The following MDC1 variants were observed in gnomAD, a reference collection of about 807,000 sequenced individuals.
The protein encoded by MDC1 is mediator of DNA damage checkpoint 1, also known as mediator of DNA damage checkpoint protein 1.
MDC1 carries 81 observed loss-of-function variants against 142.5 expected under a neutral mutation model. The ratio of observed to expected loss-of-function variants is 0.57; its 90% CI spans 0.47 to 0.68. The LOEUF (loss-of-function observed/expected upper bound fraction) is 0.68. Ranked by LOEUF, MDC1 falls within the 30% of genes least tolerant of loss-of-function variation. The pLI, the probability that MDC1 is intolerant of heterozygous loss-of-function variation, is 0.00. For synonymous variants in MDC1, 797 were observed against 968.4 expected (o/e 0.82, Z 3.29); for missense variants, 2,119 against 2,547.9 (o/e 0.83, Z 3.62).
intron 12 of MDC1, 72 bp from the exon 13 acceptor site, chr6:30,702,949 G>C: frequency 6.2e-7 from 1 of 1,605,428 alleles, no homozygotes; most frequent in Non-Finnish European, 8.5e-7. Flanking sequence ...AGCATTTAGA[G>C]AGAGCTCACA....
Position 30,713,221 on chromosome 6 carries a change from C to G in MDC1, c.721G>C (p.Ala241Pro). ...EEASSAARRG[A>P]TVEAKQSEAE... ...TCAGACTGCTTTGCCTCTACAGTGG[C>G]ACCTCTTCTGGCAGCTGAGGAGGCC... is the stretch of plus-strand genomic sequence containing the variant. The change falls in exon 5 of 15, where the codon GCC (alanine) becomes CCC (proline). Residue 241 changes from alanine (A) to proline (P), a missense_variant. Physicochemically the swap from Ala to Pro is conservative, Grantham distance 27. Coordinates refer to ENST00000376406, the MANE Select transcript of MDC1 (RefSeq NM_014641.3). The surrounding 1 kb of genome is among the most constrained non-coding windows in gnomAD (Gnocchi z 4.9). 1 of 1,613,134 alleles carries G rather than the reference C, an allele frequency of 6.2e-7. No homozygotes were observed. The highest frequency in any genetic ancestry group is 1.7e-5 in the Admixed American group (1 of 60,028).
rs777241626 is a variant in MDC1 at position 30,712,037 on chromosome 6, C to T, written c.1905G>A (p.Glu635=). 1.9e-5 allele frequency: 30 copies of T among 1,596,096 alleles called. No individual in the cohort carries two copies. The highest frequency in any genetic ancestry group is 2.5e-5 in the Non-Finnish European group (29 of 1,171,120). Reference sequence around the variant, plus strand: ...TCTCTCTTGAGATAGGGAGGTCCTGCTCCACTTGTGCCACAGGTGGCCCAC... The same window carrying T: ...TCTCTCTTGAGATAGGGAGGTCCTGTTCCACTTGTGCCACAGGTGGCCCAC... ...AQGGPPVAQV[E]QDLPISRENL... The change falls in exon 5 of 15, where the codon GAG becomes GAA. Residue 635 remains glutamate, a synonymous_variant. Transcript: ENST00000376406. The surrounding 1 kb of genome is among the most constrained non-coding windows in gnomAD (Gnocchi z 4.7).
rs976675547 is a variant in MDC1, at chr6:30,701,410, T to A, written c.6103-778A>T. On this transcript the variant is annotated intron_variant, in intron 14 of 14. Transcript: ENST00000376406. ...GTGAGACTCTCTCAAAAAAAAAAAATACTTTTGCTAGAAAGATGAACCTGA... is the reference window on the plus strand; with the variant it reads ...GTGAGACTCTCTCAAAAAAAAAAAAAACTTTTGCTAGAAAGATGAACCTGA... Among the ~76,000 whole-genome samples, 15 of 149,362 alleles carry A rather than the reference T, an allele frequency of 1.0e-4. 1 individual carries two copies. The highest frequency in any genetic ancestry group is 2.0e-4 in the East Asian group (1 of 5,124).
At chr6:30,710,568 T>C (rs1313629470) in intron 7 of MDC1, among the ~76,000 whole-genome samples, 1 of 152,098 alleles carries the variant, frequency 6.6e-6, no homozygotes, top group Non-Finnish European at 1.5e-5. Flanking sequence ...CGGCTAATTT[T>C]GTATTTTTAG....
At chr6:30,708,461 G>T (rs1478080099) in intron 7 of MDC1, 104 bp from the exon 8 acceptor site, 2 of 842,576 alleles carry the variant, frequency 2.4e-6, no homozygotes, top group Non-Finnish European at 3.7e-6. Context: ...TGATGAGAAA[G>T]GATTTAGATA....
In MDC1 at chr6:30,700,419, A is replaced by T. The variant is rs774742623; in HGVS notation, c.*46T>A. The T allele has an allele frequency of 6.3e-7, 1 of 1,576,866 alleles. No individual in the cohort carries two copies. Among genetic ancestry groups the T allele is most frequent in the South Asian group, 1.1e-5 (1 of 88,794 alleles). ...TAACGCCCTGAGTTCTTTCTTCCACATATCTTCTAATTCGTGGTCTGGGAG... is the reference window on the plus strand; with the variant it reads ...TAACGCCCTGAGTTCTTTCTTCCACTTATCTTCTAATTCGTGGTCTGGGAG... On this transcript the variant is annotated 3_prime_UTR_variant, in exon 15 of 15. Transcript: ENST00000376406.
At position 30,703,155 on chromosome 6, in the gene MDC1, C is replaced by T. The variant is rs749167035; in HGVS notation, c.5814G>A (p.Leu1938=). The change falls in exon 12 of 15, where the codon CTG becomes CTA. Residue 1938 remains leucine (L), a synonymous_variant. Transcript: ENST00000376406. The surrounding 1 kb of genome is among the most constrained non-coding windows in gnomAD (Gnocchi z 4.4). ...TGGGGATTCCCCGCCCCAGGGCACA[C>T]AGGAACTTGACTGTCCGGCGGATGC... is the stretch of plus-strand genomic sequence containing the variant. The part of the protein sequence containing the change: ...TDRIRRTVKF[L]CALGRGIPIL... 1.9e-6 allele frequency: 3 copies of T among 1,613,140 alleles called. No homozygotes were observed. The highest frequency in any genetic ancestry group is 1.7e-5 in the Admixed American group (1 of 60,024).
Position 30,713,752 on chromosome 6 carries a change from T to C in MDC1, c.518-35A>G. On this transcript the variant is annotated intron_variant, in intron 3 of 14. Transcript: ENST00000376406. The surrounding 1 kb of genome is among the most constrained non-coding windows in gnomAD (Gnocchi z 4.9). ...ACAGAAAGGAATGAGTTGACAATTG[T>C]ACACTCATTATTCCTGTCTCCTCAT... 6.2e-7 allele frequency: 1 copy of C among 1,614,032 alleles called. No individual in the cohort carries two copies. Among genetic ancestry groups the C allele is most frequent in the Non-Finnish European group, 8.5e-7 (1 of 1,179,906 alleles).
At position 30,713,173 on chromosome 6, in the gene MDC1, G is replaced by T; in HGVS notation, c.769C>A (p.Gln257Lys). The T allele has an allele frequency of 6.2e-7, 1 of 1,612,964 alleles. No individual in the cohort carries two copies. The highest frequency in any genetic ancestry group is 8.5e-7 in the Non-Finnish European group (1 of 1,179,940). Reference protein sequence around the residue: ...QSEAEVVTEIQLEKDQPLVKE... With the variant: ...QSEAEVVTEIKLEKDQPLVKE... ...ACTAAAGGCTGATCCTTTTCAAGCT[G>T]GATTTCAGTTACAACTTCAGCTTCA... The change falls in exon 5 of 15, where the codon CAG (glutamine) becomes AAG (lysine). Residue 257 changes from glutamine (Q) to lysine (K), a missense_variant. Gln to Lys is a moderately conservative substitution (Grantham distance 53). Coordinates refer to ENST00000376406, the MANE Select transcript of MDC1 (RefSeq NM_014641.3). The surrounding 1 kb of genome is among the most constrained non-coding windows in gnomAD (Gnocchi z 4.9).
At chr6:30,706,226 G>A in intron 9 of MDC1, 128 bp from the exon 10 acceptor site, 2 of 803,594 alleles carry the variant, frequency 2.5e-6, no homozygotes, top group South Asian at 2.1e-5. Flanking sequence ...GTGGCTCACG[G>A]CTATAATCCC....
chr6:30,702,983 G>C lies in MDC1; in HGVS notation c.5866-106C>G, dbSNP rs994463741. Reference sequence around the variant, plus strand: ...CAAAATGTCTTTTAAATCAATGCAGGCTTCTGGCTCACCAATGCCCCTGTC... The same window carrying C: ...CAAAATGTCTTTTAAATCAATGCAGCCTTCTGGCTCACCAATGCCCCTGTC... On this transcript the variant is annotated intron_variant, in intron 12 of 14. Transcript: ENST00000376406. 1.9e-6 allele frequency: 3 copies of C among 1,584,906 alleles called. No homozygotes were observed. The East Asian group carries it at 6.7e-5, about 36-fold the overall frequency.
In MDC1 at chr6:30,715,851, A is replaced by C. The variant is rs1179843483; in HGVS notation, c.-3-673T>G. Among the ~76,000 whole-genome samples, 7 of 152,228 alleles carry C rather than the reference A, an allele frequency of 4.6e-5. No homozygotes were observed. Among genetic ancestry groups the C allele is most frequent in the African/African-American group, 1.2e-4 (5 of 41,458 alleles). Reference sequence around the variant, plus strand: ...GTATTACTATCTTCCATTTCTTCAGATAAAGAAACTGCAACATAGCTGGGT... The same window carrying C: ...GTATTACTATCTTCCATTTCTTCAGCTAAAGAAACTGCAACATAGCTGGGT... On this transcript the variant is annotated intron_variant, in intron 1 of 14. Coordinates refer to ENST00000376406, the MANE Select transcript of MDC1 (RefSeq NM_014641.3). This position sits in a 1 kb window ranked among gnomAD's most constrained non-coding sequence, Gnocchi z 4.1.
Position 30,711,445 on chromosome 6 carries a change from G to A in MDC1, c.2188C>T (p.Leu730Phe). Residue 730 changes from leucine (L) to phenylalanine (F), a missense_variant, in exon 7 of 15, where the codon CTT becomes TTT. Leu to Phe is a conservative substitution (Grantham distance 22). Coordinates refer to ENST00000376406, the MANE Select transcript of MDC1 (RefSeq NM_014641.3). The stretch of plus-strand genomic sequence containing the variant: ...TGGAAGCTGCAATGGGAAGGGCCAA[G>A]CTCTTGGGGTGGAGTCAACATGAAG... The part of the protein sequence containing the change: ...QAFMLTPPQE[L>F]GPSHCSFQTT... 6.2e-7 allele frequency: 1 copy of A among 1,613,146 alleles called. No individual in the cohort carries two copies.
intron 9 of MDC1, 130 bp downstream of exon 9, chr6:30,707,254 A>G: frequency 2.1e-6 from 2 of 956,036 alleles, no homozygotes; most frequent in Non-Finnish European, 3.2e-6. Flanking sequence ...GAAGCCAATC[A>G]AGGCGTGACA....
intron 14 of MDC1, 139 bp downstream of exon 14, chr6:30,702,414 A>G: frequency 1.6e-6 from 1 of 611,016 alleles, no homozygotes; most frequent in Non-Finnish European, 2.8e-6. Context: ...TTTCTATACC[A>G]TAGGTCTTTT....
chr6:30,708,712 T>C (rs2127697861), intron 7 of MDC1, among the ~76,000 whole-genome samples: 1 of 151,428 alleles, frequency 6.6e-6, no homozygotes. Context: ...AAAAATTAGG[T>C]GTGGGGACGG....
chr6:30,707,868 T>G lies in MDC1; in HGVS notation c.2711A>C (p.Gln904Pro). 2 of 1,613,120 alleles carry G rather than the reference T, an allele frequency of 1.2e-6. No individual in the cohort carries two copies. The highest frequency in any genetic ancestry group is 1.7e-6 in the Non-Finnish European group (2 of 1,180,038). ...IETSEEIQEK[Q>P]VQKQTLPSKA... ...GCTTGGAAGGGTCTGCTTCTGTACT[T>G]GTTTCTCTTGTATTTCCTCAGATGT... The change falls in exon 8 of 15, where the codon CAA becomes CCA. Residue 904 changes from glutamine (Q) to proline (P), a missense_variant. Physicochemically the swap from Gln to Pro is moderately conservative, Grantham distance 76. Coordinates refer to ENST00000376406, the MANE Select transcript of MDC1 (RefSeq NM_014641.3).
Position 30,714,940 on chromosome 6 carries a change from A to G in MDC1, c.136+100T>C, listed in dbSNP as rs557646435. The G allele has an allele frequency of 4.9e-5, 68 of 1,391,114 alleles. 2 individuals are homozygous for G. In the South Asian group the frequency reaches 8.8e-4, roughly 18 times the overall value. 86.2% of individuals were successfully genotyped at this position (1,391,114 alleles called of 1,614,324 possible). ...CCATTCATGAAAAAAAAAAATTCAC[A>G]TCTCATTGAAACATACATAAGCTTC... On this transcript the variant is annotated intron_variant, in intron 2 of 14. Coordinates refer to ENST00000376406, the MANE Select transcript of MDC1 (RefSeq NM_014641.3).
Position 30,703,194 on chromosome 6 carries a change from G to A in MDC1, c.5775C>T (p.His1925=), listed in dbSNP as rs1773073430. 3 of 1,613,098 alleles carry A rather than the reference G, an allele frequency of 1.9e-6. No homozygotes were observed. The highest frequency in any genetic ancestry group is 2.5e-6 in the Non-Finnish European group (3 of 1,180,034). The change falls in exon 12 of 15, where the codon CAC becomes CAT. Residue 1925 remains histidine, a synonymous_variant. Coordinates refer to ENST00000376406, the MANE Select transcript of MDC1 (RefSeq NM_014641.3). This position sits in a 1 kb window ranked among gnomAD's most constrained non-coding sequence, Gnocchi z 4.4. ...SLAGSAAEAS[H]LVTDRIRRTV... ...TCCGGCGGATGCGATCAGTGACCAGGTGGGAAGCCTCTGCCGCTGAACCAG... is the reference window on the plus strand; with the variant it reads ...TCCGGCGGATGCGATCAGTGACCAGATGGGAAGCCTCTGCCGCTGAACCAG...
Sources: gnomAD v4.1 joint callset for allele counts (sites outside exome capture counted in the v4.1 genomes callset) on GRCh38, gnomAD v4.1.1 for gene constraint, Gnocchi (gnomAD v3.1) non-coding constraint, MANE v1.5 for transcripts, NCBI Gene and HGNC (gene_info 2026-07-23, HGNC 2026-07-21) for gene names.